The following CDH12 variants were observed in gnomAD, a reference collection of about 807,000 sequenced individuals.
CDH12 encodes the protein cadherin 12, also known as cadherin-12.
Under a neutral mutation model 74.1 loss-of-function variants are expected in CDH12, and 41 were observed. The observed-to-expected ratio is 0.55, with a 90% CI of 0.43 to 0.72. The LOEUF (loss-of-function observed/expected upper bound fraction) is 0.72. Ranked by LOEUF, CDH12 falls within the 30% of genes least tolerant of loss-of-function variation. The probability of loss-of-function intolerance (pLI) is 0.00; values close to 1 mark genes in which losing one functional copy is unlikely to be tolerated. For missense variants in CDH12, 945 were observed against 977.2 expected, an observed-to-expected ratio of 0.97 and a Z score of 0.44; for synonymous variants, 399 against 355.0, an observed-to-expected ratio of 1.12 and a Z score of -1.39.
intron 4 of CDH12, among the ~76,000 whole-genome samples, chr5:22,100,134 C>T (rs1481834287): frequency 1.3e-5 from 2 of 152,126 alleles, no homozygotes; most frequent in Non-Finnish European, 1.5e-5. Context: ...TATAAGAAGA[C>T]AGGAACTACA....
intron 4 of CDH12, among the ~76,000 whole-genome samples, chr5:22,124,005 T>A (rs1446706367): frequency 6.6e-6 from 1 of 151,764 alleles, no homozygotes; most frequent in Non-Finnish European, 1.5e-5. Flanking sequence ...TCTCGCTCTG[T>A]CTCCCAGGCT....
chr5:22,448,490 C>T (rs901580734), intron 2 of CDH12, among the ~76,000 whole-genome samples: 26 of 151,972 alleles, frequency 1.7e-4, no homozygotes, highest in Admixed American at 3.9e-4. Context: ...ATCAAAGTAT[C>T]ATTATCTGGT....
chr5:22,508,149 G>A (rs1736461512), intron 1 of CDH12, among the ~76,000 whole-genome samples: 1 of 152,038 alleles, frequency 6.6e-6, no homozygotes, highest in African/African-American at 2.4e-5. Flanking sequence ...ACATTCAAAG[G>A]TTCTATGAAT....
At chr5:21,775,677 A>C (rs1330172558) in intron 11 of CDH12, among the ~76,000 whole-genome samples, 1 of 151,946 alleles carries the variant, frequency 6.6e-6, no homozygotes, top group African/African-American at 2.4e-5. Context: ...TCCTTAACTC[A>C]TATGGAGCTT....
chr5:22,110,140 T>C (rs375290127), intron 4 of CDH12, among the ~76,000 whole-genome samples: 4 of 152,174 alleles, frequency 2.6e-5, no homozygotes, highest in African/African-American at 9.6e-5. Flanking sequence ...AGGGAGGACA[T>C]CTTTCCTATG....
At chr5:22,521,018 G>A (rs533117481) in intron 1 of CDH12, among the ~76,000 whole-genome samples, 11 of 150,962 alleles carry the variant, frequency 7.3e-5, no homozygotes, top group Non-Finnish European at 1.6e-4. Context: ...AGTAAAGCGT[G>A]TTGTTTAACT....
At chr5:21,970,542 C>A (rs1381599749) in intron 6 of CDH12, among the ~76,000 whole-genome samples, 10 of 151,908 alleles carry the variant, frequency 6.6e-5, no homozygotes, top group Admixed American at 1.3e-4. Flanking sequence ...GGCCACGAAA[C>A]AAGTAGTCTC....
At chr5:22,086,817 T>C (rs1743097927) in intron 4 of CDH12, among the ~76,000 whole-genome samples, 1 of 152,156 alleles carries the variant, frequency 6.6e-6, no homozygotes, top group East Asian at 1.9e-4. Flanking sequence ...ACAGAATCTC[T>C]CTCTTTAAGG....
intron 3 of CDH12, among the ~76,000 whole-genome samples, chr5:22,248,268 T>C (rs1448941545): frequency 2.6e-5 from 4 of 152,120 alleles, no homozygotes; most frequent in Admixed American, 6.6e-5. Flanking sequence ...CATTGCGCTA[T>C]AGCCTGGATG....
chr5:22,445,047 T>A (rs1025122399), intron 2 of CDH12, among the ~76,000 whole-genome samples: 1 of 152,012 alleles, frequency 6.6e-6, no homozygotes, highest in African/African-American at 2.4e-5. Context: ...ATAAAATAAA[T>A]GGATTAACAA....
chr5:22,234,053 A>G (rs1752479008), intron 3 of CDH12, among the ~76,000 whole-genome samples: 1 of 152,220 alleles, frequency 6.6e-6, no homozygotes, highest in Non-Finnish European at 1.5e-5. Context: ...AGTAAAAAAT[A>G]CTATGACAGT....
At chr5:21,813,481 A>AAAAT (rs971213483) in intron 9 of CDH12, among the ~76,000 whole-genome samples, 4 of 152,078 alleles carry the variant, frequency 2.6e-5, no homozygotes, top group African/African-American at 7.2e-5. Flanking sequence ...ACTCCATATC[A>AAAAT]AAATAAATAA....
intron 1 of CDH12, among the ~76,000 whole-genome samples, chr5:22,590,038 T>C (rs1237436687): frequency 2.0e-5 from 3 of 152,210 alleles, no homozygotes; most frequent in African/African-American, 4.8e-5. Flanking sequence ...GAGGTTGGTA[T>C]ATATGGGAGC....
intron 3 of CDH12, among the ~76,000 whole-genome samples, chr5:22,246,321 T>C (rs1392976192): frequency 6.6e-6 from 1 of 152,106 alleles, no homozygotes; most frequent in Non-Finnish European, 1.5e-5. Context: ...GTATTCAATG[T>C]TTCACGTAAA....
intron 4 of CDH12, among the ~76,000 whole-genome samples, chr5:22,206,873 C>G (rs1046357099): frequency 1.3e-5 from 2 of 150,906 alleles, no homozygotes; most frequent in African/African-American, 4.9e-5. Flanking sequence ...AATACTGAGT[C>G]TCTCCAGAGA....
intron 2 of CDH12, among the ~76,000 whole-genome samples, chr5:22,452,646 A>T (rs1446127799): frequency 2.6e-5 from 4 of 151,892 alleles, no homozygotes; most frequent in Non-Finnish European, 4.4e-5. Context: ...GAAATTCTTC[A>T]TGGCATGGGA....
intron 1 of CDH12, among the ~76,000 whole-genome samples, chr5:22,750,630 T>C (rs1745516838): frequency 6.6e-6 from 1 of 152,136 alleles, no homozygotes; most frequent in Non-Finnish European, 1.5e-5. Context: ...CAGTCGAATG[T>C]AGGGCAGTGA....
intron 5 of CDH12, among the ~76,000 whole-genome samples, chr5:21,984,746 G>C (rs895419781): frequency 6.6e-6 from 1 of 152,102 alleles, no homozygotes; most frequent in Non-Finnish European, 1.5e-5. Flanking sequence ...AGTAAAACTT[G>C]CAATCAACAG....
chr5:22,696,246 C>G (rs1222158609), intron 1 of CDH12, among the ~76,000 whole-genome samples: 1 of 151,794 alleles, frequency 6.6e-6, no homozygotes, highest in Non-Finnish European at 1.5e-5. Context: ...TGGCGGGCAC[C>G]TGTAGTCCCA....
Sources: allele counts gnomAD v4.1 joint callset (sites outside exome capture counted in the v4.1 genomes callset), GRCh38; gene constraint gnomAD v4.1.1; transcripts MANE v1.5; gene names NCBI Gene and HGNC (gene_info 2026-07-23, HGNC 2026-07-21).